Variants in LIMS1 observed in about 807,000 individuals in gnomAD.
The protein encoded by LIMS1 is LIM and senescent cell antigen-like-containing domain protein 1.
A neutral mutation model predicts 44.1 loss-of-function variants in LIMS1; 18 were observed. The observed-to-expected ratio is 0.41, with a 90% CI of 0.28 to 0.61. The LOEUF (loss-of-function observed/expected upper bound fraction) is 0.61, where lower values mean the gene tolerates loss of function less well. LIMS1 is among the 20% of genes least tolerant of loss of function. The probability of loss-of-function intolerance (pLI) is 0.32; values close to 1 mark genes in which losing one functional copy is unlikely to be tolerated. For missense variants in LIMS1, 201 were observed against 422.0 expected (o/e 0.48, Z 4.59); for synonymous variants, 93 against 149.1 (o/e 0.62, Z 2.74).
At chr2:108,541,262 ATGTAGC>A (rs1684306778) in intron 1 of LIMS1, among the ~76,000 whole-genome samples, 2 of 152,218 alleles carry the variant, frequency 1.3e-5, no homozygotes, top group South Asian at 4.1e-4. Flanking sequence ...TCATTGGTAA[ATGTAGC>A]TGTTGTTTTG....
chr2:108,593,931 C>T lies in LIMS1; in HGVS notation c.32+59337C>T, dbSNP rs1481094628. ...CAGTCATTACATATCTGGTGAGACC[C>T]TAGTGGTAAGTAAAGGATATCCATG... On this transcript the variant is annotated intron_variant, in intron 1 of 9. Transcript: ENST00000544547. 2.0e-5 allele frequency among the ~76,000 whole-genome samples: 3 copies of T among 152,210 alleles called. No homozygotes were observed. In the East Asian group the frequency reaches 5.8e-4, roughly 29 times the overall value.
chr2:108,534,543 C>T (rs1487997045), exon 1 of LIMS1: 2 of 1,206,768 alleles, frequency 1.7e-6, no homozygotes, highest in Non-Finnish European at 1.0e-6. Context: ...TGAGAGACGG[C>T]GGCGGCCGAA....
chr2:108,630,271 AC>A (rs1289860037), intron 1 of LIMS1, among the ~76,000 whole-genome samples: 1 of 152,146 alleles, frequency 6.6e-6, no homozygotes, highest in African/African-American at 2.4e-5. Flanking sequence ...GATTTTAAAA[AC>A]AGTGAAATTC....
intron 1 of LIMS1, among the ~76,000 whole-genome samples, chr2:108,647,284 A>G (rs1690137266): frequency 6.6e-6 from 1 of 152,334 alleles, no homozygotes; most frequent in Non-Finnish European, 1.5e-5. Context: ...AAATCCCTGA[A>G]TAGACCAATA....
chr2:108,577,799 T>C (rs1358721696), intron 1 of LIMS1, among the ~76,000 whole-genome samples: 1 of 152,252 alleles, frequency 6.6e-6, no homozygotes, highest in East Asian at 1.9e-4. Context: ...GCTCAGCAGT[T>C]AAAAAATGAA....
chr2:108,647,356 A>G (rs1376146496), intron 1 of LIMS1, among the ~76,000 whole-genome samples: 1 of 151,998 alleles, frequency 6.6e-6, no homozygotes, highest in Admixed American at 6.5e-5. Flanking sequence ...CCAGGACTGG[A>G]TGGATTCACA....
chr2:108,537,713 T>C (rs1318777697), intron 1 of LIMS1, among the ~76,000 whole-genome samples: 3 of 152,224 alleles, frequency 2.0e-5, no homozygotes, highest in African/African-American at 7.2e-5. Flanking sequence ...AGGATTGTGC[T>C]GTCTTGATTT....
intron 1 of LIMS1, among the ~76,000 whole-genome samples, chr2:108,543,907 G>A (rs1343208695): frequency 1.3e-5 from 2 of 152,142 alleles, no homozygotes; most frequent in African/African-American, 4.8e-5. Context: ...CCAACCCTCA[G>A]TTTGGTCCAG....
intron 1 of LIMS1, among the ~76,000 whole-genome samples, chr2:108,580,707 G>A (rs750105612): frequency 1.3e-5 from 2 of 152,200 alleles, no homozygotes; most frequent in Non-Finnish European, 2.9e-5. Context: ...ACATTGGGAG[G>A]TGTGTGAGGA....
intron 1 of LIMS1, among the ~76,000 whole-genome samples, chr2:108,618,098 T>C (rs1688030139): frequency 6.6e-6 from 1 of 152,174 alleles, no homozygotes; most frequent in African/African-American, 2.4e-5. Context: ...TCATAGATAT[T>C]GTATAGGGAT....
chr2:108,638,407 T>G (rs969187727), intron 1 of LIMS1, among the ~76,000 whole-genome samples: 7 of 152,154 alleles, frequency 4.6e-5, no homozygotes, highest in African/African-American at 1.7e-4. Context: ...CCAGTTTGAT[T>G]AATTGCATGA....
chr2:108,657,309 C>T (rs1381593515), intron 1 of LIMS1, among the ~76,000 whole-genome samples: 2 of 152,156 alleles, frequency 1.3e-5, no homozygotes, highest in African/African-American at 4.8e-5. Flanking sequence ...TCTTTTTGGG[C>T]TTTTTTAGAG....
chr2:108,593,051 T>C (rs961279665), intron 1 of LIMS1, among the ~76,000 whole-genome samples: 8 of 152,220 alleles, frequency 5.3e-5, no homozygotes, highest in African/African-American at 1.9e-4. Context: ...TACCCAGAAC[T>C]GGAATTGCTG....
chr2:108,639,704 G>A (rs1012678627), intron 1 of LIMS1, among the ~76,000 whole-genome samples: 4 of 152,110 alleles, frequency 2.6e-5, no homozygotes, highest in African/African-American at 4.8e-5. Flanking sequence ...ACCCACTTTG[G>A]CCTCCCAAAG....
At chr2:108,533,687 A>G (rs1194193384), upstream of LIMS1, 2 of 152,430 alleles carry the variant, frequency 1.3e-5, no homozygotes, top group Non-Finnish European at 2.9e-5. Flanking sequence ...CTGGGATTAC[A>G]GGCGTGAGCC....
At chr2:108,632,550 C>A (rs2148897619) in intron 1 of LIMS1, among the ~76,000 whole-genome samples, 1 of 152,242 alleles carries the variant, frequency 6.6e-6, no homozygotes, top group African/African-American at 2.4e-5. Context: ...GTTCTGGACA[C>A]CTTGTTCTTT....
Position 108,656,655 on chromosome 2 carries a change from T to C in LIMS1, c.33-2950T>C, listed in dbSNP as rs572872096. Among the ~76,000 whole-genome samples the C allele has an allele frequency of 8.0e-3, 1,197 of 149,070 alleles. 1 individual carries two copies. The highest frequency in any genetic ancestry group is 0.028 in the African/African-American group (1,146 of 40,570). On this transcript the variant is annotated intron_variant, in intron 1 of 9. Transcript: ENST00000544547. ...TGCTTGTGATGAAAAGGAATACTTC[T>C]TGCAAAATATATATTATATTACCTC...
At chr2:108,640,079 A>G (rs12469016) in intron 1 of LIMS1, among the ~76,000 whole-genome samples, 54,778 of 152,020 alleles carry the variant, frequency 0.36, 11,808 homozygotes, top group East Asian at 0.88. Flanking sequence ...GTGTCTTTCC[A>G]TGATGGGTTT....
At chr2:108,685,962 A>G (rs780276056) in exon 10 of LIMS1, 1 of 152,192 alleles carries the variant, frequency 6.6e-6, no homozygotes, top group Non-Finnish European at 1.5e-5. Context: ...GTTTGTTTAC[A>G]TATCAGGCAT....
Sources: gnomAD v4.1 joint callset for allele counts (sites outside exome capture counted in the v4.1 genomes callset) on GRCh38, gnomAD v4.1.1 for gene constraint, MANE v1.5 for transcripts, NCBI Gene and HGNC (gene_info 2026-07-23, HGNC 2026-07-21) for gene names.